RGL1: variants seen among roughly 807,000 people sequenced by gnomAD.
RGL1 encodes the protein ral guanine nucleotide dissociation stimulator-like 1.
Under a neutral mutation model 95.2 loss-of-function variants are expected in RGL1, and 24 were observed. The ratio of observed to expected loss-of-function variants is 0.25; its 90% confidence interval spans 0.18 to 0.35. RGL1 has a LOEUF of 0.35. Ranked by LOEUF, RGL1 falls within the 10% of genes least tolerant of loss-of-function variation. The pLI, the probability that RGL1 is intolerant of heterozygous loss-of-function variation, is 1.00. For synonymous variants in RGL1, 329 were observed against 344.9 expected, an observed-to-expected ratio of 0.95 and a Z score of 0.51; for missense variants, 715 against 936.3, an observed-to-expected ratio of 0.76 and a Z score of 3.08.
At chr1:183,663,062 C>G (rs1572242643) in intron 1 of RGL1, among the ~76,000 whole-genome samples, 2 of 151,366 alleles carry the variant, frequency 1.3e-5, no homozygotes, top group South Asian at 2.1e-4. Flanking sequence ...AAAATTAATT[C>G]AAGATGGATT....
Position 183,897,750 on chromosome 1 carries a change from C to T in RGL1, c.1141-58C>T. 3.0e-6 allele frequency: 4 copies of T among 1,320,200 alleles called. No individual in the cohort carries two copies. The South Asian group carries it at 3.6e-5, about 12-fold the overall frequency. 81.8% of individuals were successfully genotyped at this position (1,320,200 alleles called of 1,614,324 possible). A position where few individuals can be genotyped will look rare whatever the true frequency, so the allele number is the denominator to read the frequency against. On this transcript the variant is annotated intron_variant, in intron 9 of 17. Transcript: ENST00000360851. ...GTGCGAGAAACTAGATGCCTCTTTA[C>T]TTCTTACCATTGTGGCATCCTGTAT... is the stretch of plus-strand genomic sequence containing the variant.
intron 1 of RGL1, among the ~76,000 whole-genome samples, chr1:183,643,588 G>A (rs1650089227): frequency 6.6e-6 from 1 of 152,042 alleles, no homozygotes; most frequent in Non-Finnish European, 1.5e-5. Flanking sequence ...ACCGCGCCCG[G>A]CCCGAGGTCC....
At chr1:183,893,090 A>C (rs1387750515) in intron 9 of RGL1, among the ~76,000 whole-genome samples, 1 of 152,248 alleles carries the variant, frequency 6.6e-6, no homozygotes, top group Non-Finnish European at 1.5e-5. Context: ...AGGATGGATC[A>C]GATCCAGCTT....
intron 1 of RGL1, among the ~76,000 whole-genome samples, chr1:183,723,199 A>G (rs1656113705): frequency 6.6e-6 from 1 of 152,226 alleles, no homozygotes; most frequent in South Asian, 2.1e-4. Context: ...ATAAACCAAT[A>G]GTATTGAGAA....
chr1:183,876,612 G>C (rs923597476), intron 4 of RGL1, among the ~76,000 whole-genome samples: 1 of 152,238 alleles, frequency 6.6e-6, no homozygotes, highest in Non-Finnish European at 1.5e-5. Flanking sequence ...AATTACTTCT[G>C]CCTTTACAAG....
chr1:183,916,720 C>A lies in RGL1; in HGVS notation c.2004+19C>A, dbSNP rs1303606875. On this transcript the variant is annotated intron_variant, in intron 16 of 17. Transcript: ENST00000360851. ...CATCATGGTGAGGAGCAAGCCCTGA[C>A]CCAGGAGCGGGTTTCCATTTAGATT... The A allele has an allele frequency of 1.2e-6, 2 of 1,603,038 alleles. No individual in the cohort carries two copies. The highest frequency in any genetic ancestry group is 1.3e-5 in the African/African-American group (1 of 74,648).
chr1:183,783,242 G>A (rs1411852416), intron 2 of RGL1, among the ~76,000 whole-genome samples: 1 of 152,078 alleles, frequency 6.6e-6, no homozygotes, highest in Non-Finnish European at 1.5e-5. Flanking sequence ...CAACAAGAGA[G>A]AGAGGGAGGG....
Position 183,847,597 on chromosome 1 carries a change from C to T in RGL1, c.170C>T (p.Thr57Ile), listed in dbSNP as rs746927727. The T allele has an allele frequency of 6.2e-7, 1 of 1,614,132 alleles. No individual in the cohort carries two copies. Among genetic ancestry groups the T allele is most frequent in the Non-Finnish European group, 8.5e-7 (1 of 1,179,966 alleles). ...VEGDQLPPGH[T>I]VSQYETCKIR... is the part of the protein sequence containing the mutation. The stretch of plus-strand genomic sequence containing the variant: ...GGGGACCAGCTGCCTCCAGGACACA[C>T]AGTCAGTCAATATGAAACCTGTAAG... The change falls in exon 3 of 18, where the codon ACA becomes ATA. Residue 57 changes from threonine (T) to isoleucine (I), a missense_variant. Thr to Ile is a moderately conservative substitution (Grantham distance 89, BLOSUM62 -1). Around this residue, in one of 3 missense-constraint regions of RGL1, gnomAD observed 381 missense variants for 484.8 expected, o/e 0.79. Coordinates refer to ENST00000360851, the MANE Select transcript of RGL1 (RefSeq NM_001297671.3).
At chr1:183,796,867 A>C (rs1393670828) in intron 2 of RGL1, among the ~76,000 whole-genome samples, 1 of 152,170 alleles carries the variant, frequency 6.6e-6, no homozygotes, top group African/African-American at 2.4e-5. Flanking sequence ...TGATGGTTGT[A>C]TGTTTTGATC....
chr1:183,912,284 T>A lies in RGL1; in HGVS notation c.1749+16T>A. ...TCAAAAAAAGGTATATACTCAACCC[T>A]TCTCATAATTCCTAATGCAGGCACC... On this transcript the variant is annotated intron_variant, in intron 15 of 17. Coordinates refer to ENST00000360851, the MANE Select transcript of RGL1 (RefSeq NM_001297671.3). 6.2e-7 allele frequency: 1 copy of A among 1,602,438 alleles called. No homozygotes were observed. Among genetic ancestry groups the A allele is most frequent in the African/African-American group, 1.3e-5 (1 of 74,728 alleles).
chr1:183,891,141 G>T (rs1247994905), intron 8 of RGL1, among the ~76,000 whole-genome samples: 1 of 151,950 alleles, frequency 6.6e-6, no homozygotes, highest in Non-Finnish European at 1.5e-5. Flanking sequence ...ATAGCTTAAT[G>T]GTTTTCTTTA....
At chr1:183,664,741 T>G (rs1248472073) in intron 1 of RGL1, among the ~76,000 whole-genome samples, 1 of 152,218 alleles carries the variant, frequency 6.6e-6, no homozygotes, top group Non-Finnish European at 1.5e-5. Context: ...CTTTGTATCC[T>G]GTAACCTTGC....
chr1:183,811,042 TG>T (rs1012507842), intron 2 of RGL1, among the ~76,000 whole-genome samples: 4 of 152,230 alleles, frequency 2.6e-5, no homozygotes, highest in Non-Finnish European at 2.9e-5. Context: ...GGACTAATAT[TG>T]TTTTTATAAG....
At chr1:183,925,778 A>G (rs1383737202) in intron 17 of RGL1, among the ~76,000 whole-genome samples, 1 of 152,200 alleles carries the variant, frequency 6.6e-6, no homozygotes, top group East Asian at 1.9e-4. Flanking sequence ...GCTATTCACT[A>G]GCTGCCATCT....
At chr1:183,760,173 A>G (rs1489186259) in intron 2 of RGL1, among the ~76,000 whole-genome samples, 1 of 152,188 alleles carries the variant, frequency 6.6e-6, no homozygotes, top group Non-Finnish European at 1.5e-5. Context: ...TCTTAATTTA[A>G]AAATACTGTA....
intron 12 of RGL1, among the ~76,000 whole-genome samples, chr1:183,903,250 C>T (rs182273421): frequency 2.0e-5 from 3 of 152,072 alleles, no homozygotes; most frequent in East Asian, 1.9e-4. Context: ...TGGGTATACT[C>T]GAGAGAGGAA....
chr1:183,900,447 G>A (rs1667949218), intron 11 of RGL1, among the ~76,000 whole-genome samples: 1 of 152,200 alleles, frequency 6.6e-6, no homozygotes, highest in Non-Finnish European at 1.5e-5. Flanking sequence ...AATAAGCAGT[G>A]AACGATAGTA....
At chr1:183,846,206 TGCA>T (rs1432677891) in intron 2 of RGL1, among the ~76,000 whole-genome samples, 1 of 152,140 alleles carries the variant, frequency 6.6e-6, no homozygotes, top group African/African-American at 2.4e-5. Flanking sequence ...TGGAATACTG[TGCA>T]GCCATAAAAA....
chr1:183,656,113 C>CTTTTTTT (rs60220835), intron 1 of RGL1, among the ~76,000 whole-genome samples: 42,307 of 144,452 alleles, frequency 0.29, 6,606 homozygotes, highest in Middle Eastern at 0.37. Context: ...CTTTTCTTTT[C>CTTTTTTT]TTTTTTTTTT....
Sources: gnomAD v4.1 joint callset for allele counts (sites outside exome capture counted in the v4.1 genomes callset) on GRCh38, gnomAD v4.1.1 for gene constraint, gnomAD v4.1.1 regional missense constraint, MANE v1.5 for transcripts, NCBI Gene and HGNC (gene_info 2026-07-23, HGNC 2026-07-21) for gene names.